Variants in PDE1C observed in about 807,000 individuals in gnomAD.
The protein encoded by PDE1C is phosphodiesterase 1C.
In PDE1C, 62 loss-of-function variants were observed where a neutral mutation model predicts 93.1. That is an observed-to-expected ratio of 0.67 (90% confidence interval 0.54 to 0.82). PDE1C has a LOEUF of 0.82. Among genes scored for constraint, PDE1C ranks in the 40% least tolerant of loss-of-function variants. PDE1C has a pLI of 0.00. For synonymous variants in PDE1C, 325 were observed against 310.1 expected (o/e 1.05, Z -0.50); for missense variants, 742 against 884.6 (o/e 0.84, Z 2.04).
chr7:31,938,686 A>T (rs1805413439), intron 2 of PDE1C, among the ~76,000 whole-genome samples: 1 of 152,184 alleles, frequency 6.6e-6, no homozygotes, highest in Non-Finnish European at 1.5e-5. Flanking sequence ...TAATTCACAA[A>T]TTTTTGTTGA....
chr7:32,406,915 A>G (rs1331050241), intron 1 of PDE1C, among the ~76,000 whole-genome samples: 1 of 152,122 alleles, frequency 6.6e-6, no homozygotes, highest in Admixed American at 6.5e-5. Flanking sequence ...AAACTTCCCA[A>G]CGATAGCAAG....
chr7:32,250,738 G>A (rs1007198506), intron 1 of PDE1C, among the ~76,000 whole-genome samples: 1 of 152,102 alleles, frequency 6.6e-6, no homozygotes, highest in Non-Finnish European at 1.5e-5. Flanking sequence ...TTAATGATTC[G>A]GGGCAGAGTA....
In PDE1C at chr7:31,879,144, T is replaced by A; in HGVS notation, c.277A>T (p.Ile93Phe). 2 of 1,614,108 alleles carry A rather than the reference T, an allele frequency of 1.2e-6. No individual in the cohort carries two copies. Among genetic ancestry groups the A allele is most frequent in the Non-Finnish European group, 1.7e-6 (2 of 1,179,994 alleles). ...LLDTEDELSD[I>F]QSDAVPSEVR... ...TCAGAAGGCACAGCATCTGACTGAA[T>A]GTCACTGAGCTCATCCTCTGTATCC... Residue 93 changes from isoleucine to phenylalanine, a missense_variant, in exon 4 of 18, where the codon ATT becomes TTT. Transcript: ENST00000396191.
intron 1 of PDE1C, among the ~76,000 whole-genome samples, chr7:32,245,378 C>T (rs1414240423): frequency 1.3e-5 from 2 of 152,270 alleles, no homozygotes; most frequent in East Asian, 3.9e-4. Flanking sequence ...ATACAATTAG[C>T]TCACTGATTG....
At chr7:31,666,930 A>C in the PDE1C span, among the ~76,000 whole-genome samples, 1 of 152,214 alleles carries the variant, frequency 6.6e-6, no homozygotes, top group Admixed American at 6.5e-5. Flanking sequence ...AAAGTCCAGC[A>C]GTGGGTTGTA....
the PDE1C span, among the ~76,000 whole-genome samples, chr7:31,734,230 A>G: frequency 5.9e-5 from 9 of 151,440 alleles, no homozygotes; most frequent in African/African-American, 1.9e-4. Context: ...GGGAGCTGAG[A>G]TGTGTGTATG....
intron 1 of PDE1C, among the ~76,000 whole-genome samples, chr7:32,322,277 C>T (rs112346625): frequency 2.4e-4 from 37 of 152,274 alleles, no homozygotes; most frequent in African/African-American, 7.9e-4. Context: ...TCCTGGCCCA[C>T]GTTCAAAAAG....
At chr7:31,803,309 C>T (rs928760797) in intron 16 of PDE1C, among the ~76,000 whole-genome samples, 1 of 151,766 alleles carries the variant, frequency 6.6e-6, no homozygotes, top group Non-Finnish European at 1.5e-5. Flanking sequence ...ATATGGGCTA[C>T]AGTTATAAGA....
intron 1 of PDE1C, among the ~76,000 whole-genome samples, chr7:32,413,191 C>A (rs1440514907): frequency 6.6e-6 from 1 of 152,058 alleles, no homozygotes; most frequent in African/African-American, 2.4e-5. Context: ...GAATGCATGA[C>A]ACCTGCAACT....
At chr7:32,084,870 T>C (rs1446354028) in intron 3 of PDE1C, among the ~76,000 whole-genome samples, 1 of 147,420 alleles carries the variant, frequency 6.8e-6, no homozygotes, top group Non-Finnish European at 1.5e-5. Flanking sequence ...GAGGGAAATT[T>C]ATAGCACTAA....
intron 1 of PDE1C, among the ~76,000 whole-genome samples, chr7:32,322,368 G>A (rs150927544): frequency 3.9e-5 from 6 of 152,242 alleles, no homozygotes; most frequent in South Asian, 2.1e-4. Flanking sequence ...TTGGGAGGCC[G>A]AAGCAGGAGG....
chr7:31,641,410 C>T, the PDE1C span, among the ~76,000 whole-genome samples: 1 of 152,236 alleles, frequency 6.6e-6, no homozygotes, highest in African/African-American at 2.4e-5. Flanking sequence ...AACCCCCTTC[C>T]TCCTGAGAGA....
chr7:31,651,634 C>T, the PDE1C span, among the ~76,000 whole-genome samples: 4 of 151,904 alleles, frequency 2.6e-5, no homozygotes, highest in Admixed American at 1.3e-4. Flanking sequence ...GAGAGGCATA[C>T]GGGTTTTTCT....
intron 1 of PDE1C, among the ~76,000 whole-genome samples, chr7:32,357,364 T>C (rs1585123587): frequency 6.6e-6 from 1 of 152,086 alleles, no homozygotes; most frequent in African/African-American, 2.4e-5. Context: ...AGTGACTGTG[T>C]TGTGGCTGAA....
intron 1 of PDE1C, among the ~76,000 whole-genome samples, chr7:32,227,149 C>G (rs546718047): frequency 6.6e-6 from 1 of 152,248 alleles, no homozygotes; most frequent in East Asian, 1.9e-4. Context: ...ACCGGGAACC[C>G]TGAACTGCAA....
intron 2 of PDE1C, among the ~76,000 whole-genome samples, chr7:32,183,311 A>G (rs1288146021): frequency 3.3e-5 from 5 of 152,212 alleles, no homozygotes; most frequent in East Asian, 1.9e-4. Context: ...TTTAAACTTC[A>G]GGTGGAACCA....
chr7:31,852,139 T>A (rs1793420336), intron 7 of PDE1C, among the ~76,000 whole-genome samples: 1 of 152,232 alleles, frequency 6.6e-6, no homozygotes, highest in Non-Finnish European at 1.5e-5. Context: ...TTCAATTAAC[T>A]ACTAATTTTG....
chr7:32,100,168 A>G (rs1797974833), intron 3 of PDE1C, among the ~76,000 whole-genome samples: 1 of 152,216 alleles, frequency 6.6e-6, no homozygotes, highest in Admixed American at 6.5e-5. Flanking sequence ...TATTGACAGT[A>G]TAGAAGAAAG....
intron 16 of PDE1C, chr7:31,789,907 A>G: frequency 7.2e-6 from 8 of 1,118,490 alleles, no homozygotes; most frequent in Middle Eastern, 3.8e-4. Flanking sequence ...TCATCAGGCC[A>G]GACAGATGCC....
Sources: gnomAD v4.1 joint callset for allele counts (sites outside exome capture counted in the v4.1 genomes callset) on GRCh38, gnomAD v4.1.1 for gene constraint, MANE v1.5 for transcripts, NCBI Gene and HGNC (gene_info 2026-07-23, HGNC 2026-07-21) for gene names.